Variants in BSDC1 observed in about 807,000 individuals in gnomAD.
BSDC1 encodes the protein BSD domain containing 1, also known as BSD domain-containing protein 1.
BSDC1 carries 29 observed loss-of-function variants against 56.0 expected under a neutral mutation model. The observed-to-expected ratio is 0.52, with a 90% CI of 0.39 to 0.71. The LOEUF (loss-of-function observed/expected upper bound fraction) is 0.71. Among genes scored for constraint, BSDC1 ranks in the 30% least tolerant of loss-of-function variants. The pLI is 0.00. For synonymous variants in BSDC1, 210 were observed against 215.3 expected, an observed-to-expected ratio of 0.98 and a Z score of 0.21; for missense variants, 477 against 548.5, an observed-to-expected ratio of 0.87 and a Z score of 1.30.
Position 32,383,966 on chromosome 1 carries a change from A to AT in BSDC1, c.220dup (p.Met74AsnfsTer7), listed in dbSNP as rs773953698. 1.2e-6 allele frequency: 2 copies of AT among 1,613,166 alleles called. No individual in the cohort carries two copies. The highest frequency in any genetic ancestry group is 3.3e-5 in the Admixed American group (2 of 60,018). ...TAGGAAGTCAGATAACCCTTTCTTC[A>AT]TCTTCTCTGTTGCTCCTGAGGAGCC... On this transcript the variant is annotated frameshift_variant, in exon 4 of 11. Transcript: ENST00000455895. LOFTEE classifies it high-confidence loss of function.
In BSDC1 at chr1:32,383,858, C is replaced by T; in HGVS notation, c.329G>A (p.Gly110Asp). ...GGTGCCATCATAGGGCTCAGCTGTG[C>T]CAGACGGTGTGCCCATCAGGGTGAT... ...DVITLMGTPS[G>D]TAEPYDGTKA... The change falls in exon 4 of 11, where the codon GGC (glycine) becomes GAC (aspartate). Residue 110 changes from glycine to aspartate, a missense_variant. Gly to Asp is a moderately conservative substitution (Grantham distance 94). Coordinates refer to ENST00000455895, the MANE Select transcript of BSDC1 (RefSeq NM_018045.8). 6.2e-7 allele frequency: 1 copy of T among 1,612,216 alleles called. No individual in the cohort carries two copies. Among genetic ancestry groups the T allele is most frequent in the South Asian group, 1.1e-5 (1 of 90,996 alleles).
At chr1:32,394,340 G>A in intron 1 of BSDC1, 64 bp downstream of exon 1, 1 of 1,612,550 alleles carries the variant, frequency 6.2e-7, no homozygotes, top group Non-Finnish European at 8.5e-7. Flanking sequence ...CGGGACTCTC[G>A]CCCAGCACCC....
At chr1:32,382,476 AAAAAC>A (rs1269809086) in intron 4 of BSDC1, among the ~76,000 whole-genome samples, 1 of 151,460 alleles carries the variant, frequency 6.6e-6, no homozygotes, top group Non-Finnish European at 1.5e-5. Flanking sequence ...AAAAAAAACA[AAAAAC>A]AAAAAACAAA....
In BSDC1 at chr1:32,393,314, C is replaced by T. The variant is rs550649727; in HGVS notation, c.72+766G>A. ...GAGATTGTTCAGCAAGAAGGCCTTC[C>T]ACTCTCTGGTGATTAATCTCTCTCT... On this transcript the variant is annotated intron_variant, in intron 2 of 10. Transcript: ENST00000455895. Among the ~76,000 whole-genome samples the T allele has an allele frequency of 3.7e-4, 56 of 152,324 alleles. 1 individual carries two copies. In the South Asian group the frequency reaches 0.011, roughly 29 times the overall value.
Position 32,387,845 on chromosome 1 carries a change from T to A in BSDC1, c.73-950A>T, listed in dbSNP as rs1642726511. Among the ~76,000 whole-genome samples the A allele has an allele frequency of 2.6e-5, 4 of 152,192 alleles. No individual in the cohort carries two copies. The South Asian group carries it at 6.2e-4, about 24-fold the overall frequency. The stretch of plus-strand genomic sequence containing the variant: ...ACAATTTAATATCAGTAAAAAGGCA[T>A]GTGATTTTTTACATTCAACAAAGGA... On this transcript the variant is annotated intron_variant, in intron 2 of 10. Coordinates refer to ENST00000455895, the MANE Select transcript of BSDC1 (RefSeq NM_018045.8).
In BSDC1 at chr1:32,366,203, T is replaced by G; in HGVS notation, c.*419A>C. 1 of 260,012 alleles carries G rather than the reference T, an allele frequency of 3.8e-6. No homozygotes were observed. Among genetic ancestry groups the G allele is most frequent in the Non-Finnish European group, 7.6e-6 (1 of 130,876 alleles). 16.1% of individuals were successfully genotyped at this position (260,012 alleles called of 1,614,324 possible). ...GGTGGCATGGCCCTCCCTGCCTGCTTATGTATGGACAGAGTATGTTGTCTC... is the reference window on the plus strand; with the variant it reads ...GGTGGCATGGCCCTCCCTGCCTGCTGATGTATGGACAGAGTATGTTGTCTC... On this transcript the variant is annotated 3_prime_UTR_variant, in exon 11 of 11. Coordinates refer to ENST00000455895, the MANE Select transcript of BSDC1 (RefSeq NM_018045.8).
At chr1:32,380,651 C>G (rs897593267) in intron 5 of BSDC1, among the ~76,000 whole-genome samples, 74 of 151,246 alleles carry the variant, frequency 4.9e-4, no homozygotes, top group Admixed American at 2.6e-3. Context: ...ATCTCAAAAA[C>G]AAACAAACAA....
At chr1:32,369,117 T>C (rs899317432) in intron 9 of BSDC1, 3 of 437,640 alleles carry the variant, frequency 6.9e-6, no homozygotes, top group Middle Eastern at 3.6e-4. Context: ...GAAAGCCCAC[T>C]GACAGGGAAT....
chr1:32,387,971 T>C (rs530215393), intron 2 of BSDC1, among the ~76,000 whole-genome samples: 2 of 152,332 alleles, frequency 1.3e-5, no homozygotes, highest in African/African-American at 4.8e-5. Flanking sequence ...TTGGGCAGAA[T>C]GCATATTTGC....
At chr1:32,390,107 C>T (rs1642815273) in intron 2 of BSDC1, among the ~76,000 whole-genome samples, 1 of 152,112 alleles carries the variant, frequency 6.6e-6, no homozygotes, top group Admixed American at 6.5e-5. Flanking sequence ...GGAGAGGTTG[C>T]CAAGGGCAAC....
In BSDC1 at chr1:32,378,887, G is replaced by A. The variant is rs577659923; in HGVS notation, c.413-48C>T. On this transcript the variant is annotated intron_variant, in intron 5 of 10. Transcript: ENST00000455895. The surrounding 1 kb of genome is among the most constrained non-coding windows in gnomAD (Gnocchi z 5.2). Reference sequence around the variant, plus strand: ...GGTCAGTTGCCTTGGTCTGGGAAAAGAACACTGGGCTTACAGAACATATCT... The same window carrying A: ...GGTCAGTTGCCTTGGTCTGGGAAAAAAACACTGGGCTTACAGAACATATCT... The A allele has an allele frequency of 1.1e-5, 14 of 1,261,934 alleles. No individual in the cohort carries two copies. The East Asian group carries it at 3.1e-4, about 28-fold the overall frequency. The allele number at this position is 1,261,934 out of a possible 1,614,324, so 78.2% of individuals were successfully genotyped here.
intron 10 of BSDC1, chr1:32,367,186 A>C (rs1191827631): frequency 1.3e-5 from 13 of 985,532 alleles, no homozygotes; most frequent in Non-Finnish European, 1.6e-5. Context: ...AGGGGCACCA[A>C]CACCCTAATT....
intron 5 of BSDC1, among the ~76,000 whole-genome samples, chr1:32,379,145 C>G (rs1050005007): frequency 2.0e-5 from 3 of 152,124 alleles, no homozygotes; most frequent in African/African-American, 7.2e-5. Context: ...CTGCCAAAGC[C>G]AACATCTATT....
intron 3 of BSDC1, 51 bp from the exon 4 acceptor site, chr1:32,384,048 T>C (rs1346925739): frequency 6.2e-7 from 1 of 1,611,566 alleles, no homozygotes; most frequent in African/African-American, 1.3e-5. Flanking sequence ...CAGGCTGCAA[T>C]CTGGGGTATG....
intron 5 of BSDC1, among the ~76,000 whole-genome samples, chr1:32,380,195 C>T (rs572806777): frequency 2.7e-4 from 41 of 152,342 alleles, no homozygotes; most frequent in Non-Finnish European, 5.0e-4. Context: ...CTGGCTCCCA[C>T]GAGCTGCTCT....
intron 5 of BSDC1, among the ~76,000 whole-genome samples, chr1:32,379,794 A>G (rs943813419): frequency 2.0e-5 from 3 of 152,122 alleles, no homozygotes; most frequent in African/African-American, 7.2e-5. Context: ...CTTCATGCCA[A>G]CTGACTCTTC....
chr1:32,367,181 C>T, intron 10 of BSDC1: 1 of 985,670 alleles, frequency 1.0e-6, no homozygotes, highest in Non-Finnish European at 1.2e-6. Flanking sequence ...TCACTAGGGG[C>T]ACCAACACCC....
At chr1:32,367,777 G>A (rs1641905777) in intron 10 of BSDC1, 2 of 903,066 alleles carry the variant, frequency 2.2e-6, no homozygotes, top group Non-Finnish European at 2.7e-6. Context: ...AATGTCTCCT[G>A]AGTGCTGGTC....
chr1:32,383,892 A>G lies in BSDC1; in HGVS notation c.295T>C (p.Cys99Arg). The G allele has an allele frequency of 6.2e-7, 1 of 1,612,392 alleles. No homozygotes were observed. The highest frequency in any genetic ancestry group is 8.5e-7 in the Non-Finnish European group (1 of 1,180,022). ...FAPSPDKTID[C>R]DVITLMGTPS... ...GTGCCCATCAGGGTGATGACATCGC[A>G]GTCGATGGTTTTGTCTGGCGAAGGG... is the stretch of plus-strand genomic sequence containing the variant. The change falls in exon 4 of 11, where the codon TGC (cysteine) becomes CGC (arginine). Residue 99 changes from cysteine (C) to arginine (R), a missense_variant. Transcript: ENST00000455895.
Sources: allele counts gnomAD v4.1 joint callset (sites outside exome capture counted in the v4.1 genomes callset), GRCh38; gene constraint gnomAD v4.1.1; non-coding constraint Gnocchi (gnomAD v3.1); transcripts MANE v1.5; gene names NCBI Gene and HGNC (gene_info 2026-07-23, HGNC 2026-07-21).